The following BICDL1 variants were observed in gnomAD, a reference collection of about 807,000 sequenced individuals.
BICDL1 encodes BICD family like cargo adaptor 1.
BICDL1 carries 20 observed loss-of-function variants against 76.8 expected under a neutral mutation model. That is an observed-to-expected ratio of 0.26 (90% CI 0.18 to 0.38). The LOEUF is 0.38. Ranked by LOEUF, BICDL1 falls within the 10% of genes least tolerant of loss-of-function variation. BICDL1 has a pLI of 1.00. For missense variants in BICDL1, 700 were observed against 798.6 expected (o/e 0.88, Z 1.49); for synonymous variants, 383 against 337.1 (o/e 1.14, Z -1.49).
intron 4 of BICDL1, among the ~76,000 whole-genome samples, chr12:120,065,347 G>A (rs749984407): frequency 7.2e-5 from 11 of 152,180 alleles, no homozygotes; most frequent in Non-Finnish European, 1.5e-4. Context: ...AGATTTATAT[G>A]CTGCTTCTGC....
chr12:119,997,303 A>G (rs1453305759), intron 1 of BICDL1, among the ~76,000 whole-genome samples: 2 of 152,194 alleles, frequency 1.3e-5, no homozygotes, highest in Non-Finnish European at 2.9e-5. Flanking sequence ...TTGAGCTGCT[A>G]CATTAAACCA....
chr12:120,064,236 G>A (rs1023875904), intron 3 of BICDL1, among the ~76,000 whole-genome samples: 1 of 152,140 alleles, frequency 6.6e-6, no homozygotes, highest in Non-Finnish European at 1.5e-5. Context: ...GACCTCTAGT[G>A]CCAGAGGGGC....
intron 1 of BICDL1, among the ~76,000 whole-genome samples, chr12:119,994,623 G>A (rs369629079): frequency 2.3e-4 from 35 of 152,162 alleles, no homozygotes; most frequent in African/African-American, 7.9e-4. Context: ...CTGAGTAGCT[G>A]GGACTACTGG....
intron 9 of BICDL1, chr12:120,090,650 T>C (rs1874876390): frequency 2.8e-6 from 1 of 358,096 alleles, no homozygotes; most frequent in Non-Finnish European, 5.5e-6. Flanking sequence ...AGCACAGTTT[T>C]AGGATATGGG....
At chr12:120,051,927 TTTGTTGTTGTTG>T (rs144679799) in intron 2 of BICDL1, among the ~76,000 whole-genome samples, 1 of 151,652 alleles carries the variant, frequency 6.6e-6, no homozygotes, top group African/African-American at 2.4e-5. Context: ...TTTCTCAGTC[TTTGTTGTTGTTG>T]TTGTTGTTGT....
At chr12:120,007,263 C>T (rs1439982641) in intron 2 of BICDL1, among the ~76,000 whole-genome samples, 1 of 152,104 alleles carries the variant, frequency 6.6e-6, no homozygotes, top group African/African-American at 2.4e-5. Flanking sequence ...CTTTACATAT[C>T]CATGTTAGTT....
intron 4 of BICDL1, among the ~76,000 whole-genome samples, chr12:120,065,128 CAG>C (rs79259316): frequency 1.3e-5 from 2 of 152,356 alleles, no homozygotes; most frequent in East Asian, 3.9e-4. Flanking sequence ...AGCAGTTTCA[CAG>C]AGTTCTCTCT....
At chr12:120,092,815 C>T in intron 9 of BICDL1, 185 bp from the exon 10 acceptor site, 1 of 985,442 alleles carries the variant, frequency 1.0e-6, no homozygotes, top group Non-Finnish European at 1.2e-6. Context: ...TGCCATACGG[C>T]TCCTGCGTGC....
chr12:120,011,265 A>G (rs774966362), intron 2 of BICDL1, among the ~76,000 whole-genome samples: 22 of 152,218 alleles, frequency 1.4e-4, no homozygotes, highest in Admixed American at 3.3e-4. Flanking sequence ...GCTCAGTCAC[A>G]TGGCCATACT....
At chr12:120,058,055 G>A (rs1953018835) in intron 2 of BICDL1, among the ~76,000 whole-genome samples, 2 of 151,628 alleles carry the variant, frequency 1.3e-5, no homozygotes, top group African/African-American at 2.4e-5. Flanking sequence ...GGATGGTCTC[G>A]ATCTCCTGAC....
intron 8 of BICDL1, among the ~76,000 whole-genome samples, chr12:120,089,628 C>G (rs571694712): frequency 6.6e-6 from 1 of 152,148 alleles, no homozygotes; most frequent in East Asian, 1.9e-4. Context: ...GTGATCCACC[C>G]GCCTCGGCCT....
chr12:120,016,617 G>T (rs1231117285), intron 2 of BICDL1, among the ~76,000 whole-genome samples: 2 of 151,366 alleles, frequency 1.3e-5, no homozygotes, highest in Admixed American at 1.3e-4. Flanking sequence ...AGACAGTTTT[G>T]CCATGTTGCC....
At chr12:120,024,015 C>A (rs1241261867) in intron 2 of BICDL1, among the ~76,000 whole-genome samples, 1 of 152,044 alleles carries the variant, frequency 6.6e-6, no homozygotes, top group Non-Finnish European at 1.5e-5. Context: ...CACGGTGGCT[C>A]ACACTTGTAA....
At position 119,990,146 on chromosome 12, in the gene BICDL1, C is replaced by G; in HGVS notation, c.278C>G (p.Pro93Arg). 6.4e-7 allele frequency: 1 copy of G among 1,550,938 alleles called. No homozygotes were observed. Among genetic ancestry groups the G allele is most frequent in the Non-Finnish European group, 8.7e-7 (1 of 1,147,360 alleles). ...GAGGGGGCCGGACCGCAGCCGCCGC[C>G]CTCCCAGGACCCCGAGCTGCTGTCG... ...LAEGAGPQPP[P>R]SQDPELLSVI... Residue 93 changes from proline (P) to arginine (R), a missense_variant, in exon 1 of 10, where the codon CCC becomes CGC. This residue lies in a region of BICDL1 where 225 missense variants were observed against 199.6 expected (regional missense o/e 1.13). Transcript: ENST00000548673.
chr12:120,022,005 A>T (rs1471990193), intron 2 of BICDL1, among the ~76,000 whole-genome samples: 1 of 150,950 alleles, frequency 6.6e-6, no homozygotes, highest in African/African-American at 2.4e-5. Context: ...AGTAAAATAA[A>T]ATAATGACTT....
At chr12:120,044,244 A>G (rs999609784) in intron 2 of BICDL1, among the ~76,000 whole-genome samples, 6 of 152,208 alleles carry the variant, frequency 3.9e-5, no homozygotes, top group Non-Finnish European at 7.3e-5. Context: ...GAACATTTTA[A>G]CTTTGTAACC....
chr12:120,037,232 G>C (rs1952546207), intron 2 of BICDL1, among the ~76,000 whole-genome samples: 1 of 152,082 alleles, frequency 6.6e-6, no homozygotes, highest in South Asian at 2.1e-4. Flanking sequence ...TGTTGTATTT[G>C]TGCTCTTCTC....
At chr12:119,996,906 A>C (rs1039781069) in intron 1 of BICDL1, among the ~76,000 whole-genome samples, 1 of 152,092 alleles carries the variant, frequency 6.6e-6, no homozygotes, top group Non-Finnish European at 1.5e-5. Flanking sequence ...ATAGAAGAAC[A>C]TACTCTTTTC....
At chr12:119,997,429 C>T (rs762907927) in intron 1 of BICDL1, among the ~76,000 whole-genome samples, 1 of 152,080 alleles carries the variant, frequency 6.6e-6, no homozygotes, top group Admixed American at 6.6e-5. Context: ...TTAGAACGTC[C>T]CTAGGACTGT....
Sources: gnomAD v4.1 joint callset for allele counts (sites outside exome capture counted in the v4.1 genomes callset) on GRCh38, gnomAD v4.1.1 for gene constraint, gnomAD v4.1.1 regional missense constraint, MANE v1.5 for transcripts, NCBI Gene and HGNC (gene_info 2026-07-23, HGNC 2026-07-21) for gene names.